L3MBTL4: variants seen among roughly 807,000 people sequenced by gnomAD.
L3MBTL4 encodes the protein lethal(3)malignant brain tumor-like protein 4.
Under a neutral mutation model 84.5 loss-of-function variants are expected in L3MBTL4, and 70 were observed. That is an observed-to-expected ratio of 0.83 (90% confidence interval 0.68 to 1.01). The LOEUF is 1.01. L3MBTL4 is among the 50% of genes least tolerant of loss of function. The pLI is 0.00. For synonymous variants in L3MBTL4, 274 were observed against 259.8 expected, an observed-to-expected ratio of 1.05 and a Z score of -0.52; for missense variants, 715 against 754.8, an observed-to-expected ratio of 0.95 and a Z score of 0.62.
chr18:6,045,946 T>C (rs1249215023), intron 16 of L3MBTL4, among the ~76,000 whole-genome samples: 2 of 151,962 alleles, frequency 1.3e-5, no homozygotes, highest in African/African-American at 4.8e-5. Context: ...GAGTTGCAAA[T>C]TGGACAAAGA....
At chr18:6,119,379 G>A (rs181163517) in intron 14 of L3MBTL4, among the ~76,000 whole-genome samples, 9 of 152,252 alleles carry the variant, frequency 5.9e-5, no homozygotes, top group Admixed American at 4.6e-4. Context: ...GATTTTCCTC[G>A]TGCCCAGGAT....
chr18:6,023,834 C>A (rs964993924), intron 16 of L3MBTL4, among the ~76,000 whole-genome samples: 1 of 152,024 alleles, frequency 6.6e-6, no homozygotes, highest in Non-Finnish European at 1.5e-5. Flanking sequence ...AGGTAATTTG[C>A]CCAAGTTCGT....
Position 6,373,762 on chromosome 18 carries a change from A to C in L3MBTL4, c.-91+41039T>G, listed in dbSNP as rs1278121431. ...TACAAACTCCATCAGATCTGCCCAA[A>C]TGTCAAGTGAATTGATAAAAAAAAA... On this transcript the variant is annotated intron_variant, in intron 1 of 18. Transcript: ENST00000317931. Among the ~76,000 whole-genome samples the C allele has an allele frequency of 3.3e-5, 5 of 151,952 alleles. No homozygotes were observed. The East Asian group carries it at 9.7e-4, about 29-fold the overall frequency.
intron 16 of L3MBTL4, chr18:6,031,527 A>G: frequency 3.1e-6 from 3 of 982,546 alleles, no homozygotes; most frequent in East Asian, 1.1e-4. Context: ...TCTGTTTGTC[A>G]GGAATTTAGG....
At chr18:6,128,039 G>GT (rs1233594139) in intron 14 of L3MBTL4, among the ~76,000 whole-genome samples, 1 of 128,972 alleles carries the variant, frequency 7.8e-6, no homozygotes, top group African/African-American at 3.1e-5. Flanking sequence ...TGGGTGGGGC[G>GT]GGGGAAGAGT....
At chr18:6,263,836 C>A (rs1220389036) in intron 5 of L3MBTL4, 111 bp downstream of exon 5, 4 of 806,634 alleles carry the variant, frequency 5.0e-6, no homozygotes, top group African/African-American at 1.7e-5. Flanking sequence ...TCCAGCAGAG[C>A]CTACAAATAA....
At chr18:6,027,249 T>C (rs368037533) in intron 16 of L3MBTL4, among the ~76,000 whole-genome samples, 35 of 152,194 alleles carry the variant, frequency 2.3e-4, no homozygotes, top group East Asian at 9.6e-4. Context: ...TGTGTTCTCA[T>C]TGTTCAACTC....
intron 13 of L3MBTL4, among the ~76,000 whole-genome samples, chr18:6,165,639 T>C (rs112283104): frequency 2.6e-5 from 4 of 152,150 alleles, no homozygotes; most frequent in East Asian, 1.9e-4. Flanking sequence ...CTGAGAGATT[T>C]TGTCACCACC....
chr18:6,325,637 CA>C (rs1272736159), intron 1 of L3MBTL4, among the ~76,000 whole-genome samples: 1 of 152,034 alleles, frequency 6.6e-6, no homozygotes, highest in South Asian at 2.1e-4. Flanking sequence ...AAATAGGAAA[CA>C]AAAAATTCAG....
intron 16 of L3MBTL4, among the ~76,000 whole-genome samples, chr18:5,979,102 G>A (rs2053093137): frequency 6.6e-6 from 1 of 152,206 alleles, no homozygotes; most frequent in East Asian, 1.9e-4. Context: ...GGGCAAAAGA[G>A]TGGATCCTTC....
At chr18:6,121,796 C>T (rs2059538534) in intron 14 of L3MBTL4, among the ~76,000 whole-genome samples, 1 of 151,594 alleles carries the variant, frequency 6.6e-6, no homozygotes. Context: ...AGGATCATTT[C>T]GTCTTGGCCT....
chr18:6,198,974 C>G (rs534047009), intron 12 of L3MBTL4, among the ~76,000 whole-genome samples: 11 of 152,116 alleles, frequency 7.2e-5, no homozygotes, highest in Non-Finnish European at 1.5e-4. Flanking sequence ...TATGTAATTA[C>G]TGATTTTTCC....
At chr18:6,319,281 A>G (rs2051280277) in intron 1 of L3MBTL4, among the ~76,000 whole-genome samples, 1 of 151,872 alleles carries the variant, frequency 6.6e-6, no homozygotes, top group African/African-American at 2.4e-5. Context: ...AGTAGAACTA[A>G]GTGAAATAGA....
At chr18:6,148,731 A>G (rs1431881985) in intron 13 of L3MBTL4, among the ~76,000 whole-genome samples, 3 of 152,182 alleles carry the variant, frequency 2.0e-5, no homozygotes, top group Non-Finnish European at 4.4e-5. Context: ...ATGCCCAACC[A>G]TAAAGCACAG....
intron 1 of L3MBTL4, among the ~76,000 whole-genome samples, chr18:6,318,402 G>C (rs1240903492): frequency 2.7e-5 from 4 of 147,056 alleles, no homozygotes; most frequent in African/African-American, 7.5e-5. Flanking sequence ...AGGTAAAGTG[G>C]TGAAAAAAGA....
chr18:6,316,941 T>C (rs2051135745), intron 1 of L3MBTL4, among the ~76,000 whole-genome samples: 1 of 152,272 alleles, frequency 6.6e-6, no homozygotes, highest in African/African-American at 2.4e-5. Context: ...CCAGGGATAC[T>C]TCCCATACTG....
chr18:6,162,937 A>G (rs1216846991), intron 13 of L3MBTL4, among the ~76,000 whole-genome samples: 1 of 152,124 alleles, frequency 6.6e-6, no homozygotes, highest in Non-Finnish European at 1.5e-5. Flanking sequence ...TGAGTAATGC[A>G]TTGACTGTGA....
At chr18:6,245,593 T>TTA (rs2047628115) in intron 5 of L3MBTL4, among the ~76,000 whole-genome samples, 2 of 151,338 alleles carry the variant, frequency 1.3e-5, no homozygotes, top group African/African-American at 4.9e-5. Flanking sequence ...TTTTCCTTTT[T>TTA]TTTTTTTTTT....
At chr18:6,379,277 A>C (rs1046727868) in intron 1 of L3MBTL4, among the ~76,000 whole-genome samples, 36 of 152,154 alleles carry the variant, frequency 2.4e-4, no homozygotes, top group Non-Finnish European at 4.9e-4. Context: ...GGACAATTTG[A>C]CTTCCTCTTT....
Sources: gnomAD v4.1 joint callset for allele counts (sites outside exome capture counted in the v4.1 genomes callset) on GRCh38, gnomAD v4.1.1 for gene constraint, MANE v1.5 for transcripts, NCBI Gene and HGNC (gene_info 2026-07-23, HGNC 2026-07-21) for gene names.